RNF220: variants seen among roughly 807,000 people sequenced by gnomAD.
The protein encoded by RNF220 is ring finger protein 220.
A neutral mutation model predicts 67.1 loss-of-function variants in RNF220; 7 were observed. The observed-to-expected ratio is 0.10, with a 90% CI of 0.06 to 0.20. The LOEUF (loss-of-function observed/expected upper bound fraction) is 0.20, where lower values mean the gene tolerates loss of function less well. Ranked by LOEUF, RNF220 falls within the 10% of genes least tolerant of loss-of-function variation. The probability of loss-of-function intolerance (pLI) is 1.00; values close to 1 mark genes in which losing one functional copy is unlikely to be tolerated. For missense variants in RNF220, 565 were observed against 740.3 expected (o/e 0.76, Z 2.75); for synonymous variants, 270 against 283.2 (o/e 0.95, Z 0.47).
chr1:44,508,263 G>A (rs1482101594), intron 2 of RNF220, among the ~76,000 whole-genome samples: 1 of 152,064 alleles, frequency 6.6e-6, no homozygotes. Flanking sequence ...AGCTCTTGGT[G>A]TCCTTGGCCC....
chr1:44,424,974 C>T (rs1008304140), intron 2 of RNF220, among the ~76,000 whole-genome samples: 11 of 152,214 alleles, frequency 7.2e-5, no homozygotes, highest in South Asian at 4.1e-4. Flanking sequence ...TGTCCTCTTC[C>T]GCAACCCTTG....
At position 44,431,049 on chromosome 1, in the gene RNF220, T is replaced by C. The variant is rs1013293333; in HGVS notation, c.625+18327T>C. Among the ~76,000 whole-genome samples, 4 of 152,212 alleles carry C rather than the reference T, an allele frequency of 2.6e-5. No homozygotes were observed. The East Asian group carries it at 7.7e-4, about 29-fold the overall frequency. On this transcript the variant is annotated intron_variant, in intron 2 of 14. Transcript: ENST00000361799. ...ACAATTGCTGGGAAAGTGTCTGATT[T>C]GTGTGTGTGCGTTGACAAAATTAGT...
At chr1:44,597,468 GCACACACACACACACACACACACA>G (rs56375404) in intron 2 of RNF220, among the ~76,000 whole-genome samples, 1 of 135,648 alleles carries the variant, frequency 7.4e-6, no homozygotes, top group African/African-American at 2.8e-5. Context: ...TCTCTCTCAT[GCACACACACACACACACACACACA>G]CACACACACA....
At position 44,412,463 on chromosome 1, in the gene RNF220, C is replaced by T. The variant is rs1356659137; in HGVS notation, c.366C>T (p.Pro122=). 1.2e-6 allele frequency: 2 copies of T among 1,611,426 alleles called. No homozygotes were observed. Among genetic ancestry groups the T allele is most frequent in the Non-Finnish European group, 1.7e-6 (2 of 1,177,808 alleles). ...ATAGTGGTGTGGGGGCTTTCCGGCCCTTTGCCTCCACCGAGGACCGGGAGA... is the reference window on the plus strand; with the variant it reads ...ATAGTGGTGTGGGGGCTTTCCGGCCTTTTGCCTCCACCGAGGACCGGGAGA... ...LNHSGVGAFR[P]FASTEDRESY... is the part of the protein sequence containing the mutation. The change falls in exon 2 of 15, where the codon CCC becomes CCT. Residue 122 remains proline, a synonymous_variant. Coordinates refer to ENST00000361799, the MANE Select transcript of RNF220 (RefSeq NM_018150.4). The surrounding 1 kb of genome is among the most constrained non-coding windows in gnomAD (Gnocchi z 5.3).
At chr1:44,433,565 G>C (rs1239013035) in intron 2 of RNF220, among the ~76,000 whole-genome samples, 1 of 152,212 alleles carries the variant, frequency 6.6e-6, no homozygotes, top group Non-Finnish European at 1.5e-5. Flanking sequence ...ATGTGTTTAA[G>C]TTTTAAAACA....
chr1:44,531,246 A>C (rs1396444384), intron 2 of RNF220, among the ~76,000 whole-genome samples: 1 of 152,228 alleles, frequency 6.6e-6, no homozygotes, highest in African/African-American at 2.4e-5. Context: ...TTCACAATCC[A>C]GCCCAAACTA....
In RNF220 at chr1:44,632,094, C is replaced by T. The variant is rs956909985; in HGVS notation, c.907-249C>T. On this transcript the variant is annotated intron_variant, in intron 5 of 14. Coordinates refer to ENST00000361799, the MANE Select transcript of RNF220 (RefSeq NM_018150.4). ...CCGTGGGGCCCAGAGCGCCGGAGGCCAGGGCTGGGGCGGCACCGCGCAGCG... is the reference window on the plus strand; with the variant it reads ...CCGTGGGGCCCAGAGCGCCGGAGGCTAGGGCTGGGGCGGCACCGCGCAGCG... The T allele has an allele frequency of 3.7e-6, 5 of 1,363,632 alleles. No individual in the cohort carries two copies. In the African/African-American group the frequency reaches 7.5e-5, roughly 21 times the overall value. 84.5% of individuals were successfully genotyped at this position (1,363,632 alleles called of 1,614,324 possible). A position where few individuals can be genotyped will look rare whatever the true frequency, so the allele number is the denominator to read the frequency against.
chr1:44,480,168 C>T (rs1025143487), intron 2 of RNF220, among the ~76,000 whole-genome samples: 3 of 152,166 alleles, frequency 2.0e-5, no homozygotes, highest in Non-Finnish European at 4.4e-5. Flanking sequence ...CTTTGGGAGG[C>T]CAAGGCAAGT....
intron 2 of RNF220, 76 bp from the exon 3 acceptor site, chr1:44,614,089 T>C (rs757434716): frequency 1.1e-5 from 17 of 1,587,426 alleles, no homozygotes; most frequent in Admixed American, 1.7e-5. Flanking sequence ...AGGCTTGGGT[T>C]TCAGGACTGG....
chr1:44,589,846 A>T lies in RNF220; in HGVS notation c.626-24319A>T, dbSNP rs532661015. On this transcript the variant is annotated intron_variant, in intron 2 of 14. Coordinates refer to ENST00000361799, the MANE Select transcript of RNF220 (RefSeq NM_018150.4). ...AACACCTAAGCTGGGACTACAAAGA[A>T]TATGATGATTCCTTGACTCAAGGTG... Among the ~76,000 whole-genome samples, 15 of 152,340 alleles carry T rather than the reference A, an allele frequency of 9.8e-5. No homozygotes were observed. The South Asian group carries it at 1.9e-3, about 19-fold the overall frequency.
At chr1:44,473,490 C>T (rs1026747101) in intron 2 of RNF220, among the ~76,000 whole-genome samples, 11 of 67,544 alleles carry the variant, frequency 1.6e-4, no homozygotes, top group Middle Eastern at 0.011. Context: ...TCAGGGATGG[C>T]GGGGGCGGGG....
chr1:44,467,835 C>T (rs1654420598), intron 2 of RNF220, among the ~76,000 whole-genome samples: 1 of 152,120 alleles, frequency 6.6e-6, no homozygotes, highest in Non-Finnish European at 1.5e-5. Context: ...GTAGTCATTT[C>T]CAGCTTTTGA....
chr1:44,615,793 C>T (rs1011416064), intron 3 of RNF220, among the ~76,000 whole-genome samples: 2 of 152,204 alleles, frequency 1.3e-5, no homozygotes, highest in Non-Finnish European at 2.9e-5. Context: ...AGTCATCTAT[C>T]GCTGTGTTAC....
At position 44,412,833 on chromosome 1, in the gene RNF220, A is replaced by T; in HGVS notation, c.625+111A>T. ...CTCCTAGTAATAGGAAGGGCCAACT[A>T]CTTCCCTTTCACTAGCTGTGGAGTG... On this transcript the variant is annotated intron_variant, in intron 2 of 14. Transcript: ENST00000361799. This position sits in a 1 kb window ranked among gnomAD's most constrained non-coding sequence, Gnocchi z 5.3. 8.0e-7 allele frequency: 1 copy of T among 1,247,160 alleles called. No homozygotes were observed. Among genetic ancestry groups the T allele is most frequent in the Non-Finnish European group, 1.1e-6 (1 of 889,742 alleles). 77.3% of individuals were successfully genotyped at this position (1,247,160 alleles called of 1,614,324 possible).
chr1:44,415,507 A>G (rs989657921), intron 2 of RNF220, among the ~76,000 whole-genome samples: 3 of 146,924 alleles, frequency 2.0e-5, no homozygotes, highest in Non-Finnish European at 2.9e-5. Context: ...GTTGATATAC[A>G]CACACACACA....
chr1:44,429,379 A>G (rs1324031551), intron 2 of RNF220, among the ~76,000 whole-genome samples: 1 of 152,230 alleles, frequency 6.6e-6, no homozygotes, highest in Admixed American at 6.5e-5. Context: ...AAGGATTTTC[A>G]GGTGTCCCTA....
chr1:44,485,258 T>C (rs1656183585), intron 2 of RNF220, among the ~76,000 whole-genome samples: 1 of 152,196 alleles, frequency 6.6e-6, no homozygotes, highest in Non-Finnish European at 1.5e-5. Flanking sequence ...TTGAGGCAAA[T>C]GCTCTAGACT....
chr1:44,633,840 G>A (rs954245546), intron 6 of RNF220, among the ~76,000 whole-genome samples: 3 of 152,180 alleles, frequency 2.0e-5, no homozygotes, highest in Non-Finnish European at 4.4e-5. Flanking sequence ...GATGTTTCAC[G>A]TCCATTCTCC....
At chr1:44,415,240 G>A (rs1648401537) in intron 2 of RNF220, among the ~76,000 whole-genome samples, 1 of 151,786 alleles carries the variant, frequency 6.6e-6, no homozygotes, top group Non-Finnish European at 1.5e-5. Flanking sequence ...ATATTTAAGG[G>A]TCGTTAGAAG....
Sources: allele counts gnomAD v4.1 joint callset (sites outside exome capture counted in the v4.1 genomes callset), GRCh38; gene constraint gnomAD v4.1.1; non-coding constraint Gnocchi (gnomAD v3.1); transcripts MANE v1.5; gene names NCBI Gene and HGNC (gene_info 2026-07-23, HGNC 2026-07-21).